Variants in TAFA1 observed in about 807,000 individuals in gnomAD.
The protein encoded by TAFA1 is chemokine-like protein TAFA-1.
In TAFA1, 4 loss-of-function variants were observed where a neutral mutation model predicts 18.5. The observed-to-expected ratio is 0.22, with a 90% confidence interval of 0.11 to 0.49. TAFA1 has a LOEUF of 0.49. Ranked by LOEUF, TAFA1 falls within the 20% of genes least tolerant of loss-of-function variation. The probability of loss-of-function intolerance (pLI) is 0.98; values close to 1 mark genes in which losing one functional copy is unlikely to be tolerated. For missense variants in TAFA1, 147 were observed against 169.0 expected (o/e 0.87, Z 0.72); for synonymous variants, 56 against 55.2 (o/e 1.01, Z -0.06).
rs375481813 is a variant in TAFA1 at position 68,325,337 on chromosome 3, C to T, written c.119-91943C>T. 5.9e-5 allele frequency among the ~76,000 whole-genome samples: 9 copies of T among 152,218 alleles called. No homozygotes were observed. In the East Asian group the frequency reaches 1.7e-3, roughly 29 times the overall value. On this transcript the variant is annotated intron_variant, in intron 2 of 4. Coordinates refer to ENST00000478136, the MANE Select transcript of TAFA1 (RefSeq NM_213609.4). ...TCATCTGGGTTTAATTCTTAGCCCC[C>T]CAAATACTAATTATGTGACCTTTGT... is the stretch of plus-strand genomic sequence containing the variant.
chr3:68,274,141 T>C (rs752628487), intron 2 of TAFA1, among the ~76,000 whole-genome samples: 18 of 152,156 alleles, frequency 1.2e-4, no homozygotes, highest in Non-Finnish European at 2.2e-4. Context: ...CTTAGGGTGG[T>C]TTCAAAACAG....
At chr3:68,085,372 C>T (rs2064958366) in intron 2 of TAFA1, among the ~76,000 whole-genome samples, 1 of 152,182 alleles carries the variant, frequency 6.6e-6, no homozygotes, top group Non-Finnish European at 1.5e-5. Flanking sequence ...CATTTCCTAA[C>T]TTATTTGATT....
Position 68,276,105 on chromosome 3 carries a change from AC to A in TAFA1, c.119-141174del, listed in dbSNP as rs572577481. The stretch of plus-strand genomic sequence containing the variant: ...GTTAAAATTCTAAGACTAGAAAAAA[AC>A]AATTTAAATGTTGAAATTCAGTCAG... On this transcript the variant is annotated intron_variant, in intron 2 of 4. Transcript: ENST00000478136. 4.7e-3 allele frequency among the ~76,000 whole-genome samples: 723 copies of A among 152,246 alleles called. 3 individuals are homozygous for A. The highest frequency in any genetic ancestry group is 6.9e-3 in the Non-Finnish European group (466 of 68,018).
chr3:68,410,750 A>G (rs940917244), intron 2 of TAFA1, among the ~76,000 whole-genome samples: 1 of 129,312 alleles, frequency 7.7e-6, no homozygotes, highest in East Asian at 2.4e-4. Flanking sequence ...TGCATTTTCT[A>G]AGGAAGCACC....
chr3:68,367,416 G>T (rs1049788952), intron 2 of TAFA1, among the ~76,000 whole-genome samples: 3 of 152,236 alleles, frequency 2.0e-5, no homozygotes, highest in South Asian at 2.1e-4. Context: ...GGAAACAAAG[G>T]TTAGGTCAAA....
At chr3:68,418,556 A>G (rs1047672364) in intron 3 of TAFA1, among the ~76,000 whole-genome samples, 2 of 151,864 alleles carry the variant, frequency 1.3e-5, no homozygotes, top group Non-Finnish European at 2.9e-5. Context: ...TTCTTTTGTG[A>G]TTCTTCAGTT....
upstream of TAFA1, among the ~76,000 whole-genome samples, chr3:68,001,327 A>G (rs939139681): frequency 6.6e-6 from 1 of 152,202 alleles, no homozygotes; most frequent in Non-Finnish European, 1.5e-5. Flanking sequence ...AGGCTGCTGG[A>G]GGTGAAAAAT....
At chr3:68,530,435 C>G (rs767114453) in intron 3 of TAFA1, among the ~76,000 whole-genome samples, 4 of 152,154 alleles carry the variant, frequency 2.6e-5, no homozygotes, top group African/African-American at 4.8e-5. Flanking sequence ...ATTAAAGAAG[C>G]TTTAGTGATT....
chr3:68,510,125 C>A (rs1251265876), intron 3 of TAFA1, among the ~76,000 whole-genome samples: 2 of 152,104 alleles, frequency 1.3e-5, no homozygotes, highest in African/African-American at 4.8e-5. Context: ...CCTCTCCCTG[C>A]AGTGCTCTTT....
intron 2 of TAFA1, among the ~76,000 whole-genome samples, chr3:68,387,017 A>G (rs2070119342): frequency 6.6e-6 from 1 of 152,012 alleles, no homozygotes; most frequent in African/African-American, 2.4e-5. Context: ...AATTTTCTTT[A>G]TAAAGTTCAA....
intron 3 of TAFA1, among the ~76,000 whole-genome samples, chr3:68,448,126 C>T (rs2071503173): frequency 6.6e-6 from 1 of 152,116 alleles, no homozygotes; most frequent in Non-Finnish European, 1.5e-5. Flanking sequence ...TCCCTGGGGT[C>T]ATCTCCTAGT....
chr3:68,093,279 T>G (rs937321608), intron 2 of TAFA1, among the ~76,000 whole-genome samples: 1 of 152,074 alleles, frequency 6.6e-6, no homozygotes, highest in African/African-American at 2.4e-5. Flanking sequence ...GATGAATGTG[T>G]TCTTCCCACC....
intron 3 of TAFA1, among the ~76,000 whole-genome samples, chr3:68,512,036 A>G (rs2072854848): frequency 6.6e-6 from 1 of 152,070 alleles, no homozygotes; most frequent in African/African-American, 2.4e-5. Flanking sequence ...GATTATCCCT[A>G]TCTAATAAAA....
intron 2 of TAFA1, among the ~76,000 whole-genome samples, chr3:68,389,875 A>G (rs1186406989): frequency 6.6e-6 from 1 of 152,066 alleles, no homozygotes; most frequent in East Asian, 1.9e-4. Flanking sequence ...CACAGACCAG[A>G]TTTGCTTGGG....
chr3:68,368,036 T>C (rs1220838650), intron 2 of TAFA1, among the ~76,000 whole-genome samples: 4 of 152,208 alleles, frequency 2.6e-5, no homozygotes, highest in Non-Finnish European at 5.9e-5. Context: ...TCCCCAGTGA[T>C]ACTCTAAAAG....
At chr3:68,207,971 T>A (rs989836792) in intron 2 of TAFA1, among the ~76,000 whole-genome samples, 1 of 151,960 alleles carries the variant, frequency 6.6e-6, no homozygotes, top group African/African-American at 2.4e-5. Context: ...CAGGTAGCAA[T>A]GGAGTAACAA....
upstream of TAFA1, among the ~76,000 whole-genome samples, chr3:68,000,963 A>G (rs1239104001): frequency 6.6e-6 from 1 of 152,190 alleles, no homozygotes; most frequent in African/African-American, 2.4e-5. Context: ...TCTGATATTA[A>G]ATCAGCTATG....
At chr3:68,096,838 A>T (rs921630972) in intron 2 of TAFA1, among the ~76,000 whole-genome samples, 1 of 152,154 alleles carries the variant, frequency 6.6e-6, no homozygotes, top group Non-Finnish European at 1.5e-5. Context: ...ACTTTTATAT[A>T]GCTTAGAAGT....
At chr3:68,481,520 T>C (rs6790179) in intron 3 of TAFA1, among the ~76,000 whole-genome samples, 64,527 of 151,966 alleles carry the variant, frequency 0.42, 14,261 homozygotes, top group Middle Eastern at 0.49. Context: ...ACACACCCTT[T>C]AGAGGCAGAG....
Sources: gnomAD v4.1 joint callset for allele counts (sites outside exome capture counted in the v4.1 genomes callset) on GRCh38, gnomAD v4.1.1 for gene constraint, MANE v1.5 for transcripts, NCBI Gene and HGNC (gene_info 2026-07-23, HGNC 2026-07-21) for gene names.